Variants in ARHGAP44 observed in about 807,000 individuals in gnomAD.
The protein encoded by ARHGAP44 is Rho GTPase activating protein 44, also known as rho GTPase-activating protein 44.
ARHGAP44 carries 43 observed loss-of-function variants against 106.8 expected under a neutral mutation model. That is an observed-to-expected ratio of 0.40 (90% CI 0.32 to 0.52). The LOEUF (loss-of-function observed/expected upper bound fraction) is 0.52. ARHGAP44 is among the 20% of genes least tolerant of loss of function. The probability of loss-of-function intolerance (pLI) is 0.48; values close to 1 mark genes in which losing one functional copy is unlikely to be tolerated. For missense variants in ARHGAP44, 866 were observed against 1,050.5 expected, an observed-to-expected ratio of 0.82 and a Z score of 2.43; for synonymous variants, 439 against 410.3, an observed-to-expected ratio of 1.07 and a Z score of -0.85.
intron 1 of ARHGAP44, among the ~76,000 whole-genome samples, chr17:12,847,878 T>C (rs1297533397): frequency 6.6e-6 from 1 of 152,242 alleles, no homozygotes; most frequent in Non-Finnish European, 1.5e-5. Context: ...TCTGTGGCTT[T>C]GCAGCTGTGC....
intron 7 of ARHGAP44, among the ~76,000 whole-genome samples, chr17:12,931,217 G>T (rs935311766): frequency 6.6e-6 from 1 of 151,778 alleles, no homozygotes; most frequent in Admixed American, 6.6e-5. Context: ...GACTACAGGC[G>T]CATGCCACCA....
In ARHGAP44 at chr17:12,920,652, G is replaced by T. The variant is rs536894421; in HGVS notation, c.464+821G>T. Among the ~76,000 whole-genome samples, 5 of 152,242 alleles carry T rather than the reference G, an allele frequency of 3.3e-5. No homozygotes were observed. The South Asian group carries it at 1.0e-3, about 32-fold the overall frequency. ...AAGGGAAGAGAAGTAGGAGGTGAGA[G>T]CCAGGAGGTAGGATGGTTGCTATGT... On this transcript the variant is annotated intron_variant, in intron 6 of 20. Transcript: ENST00000379672.
chr17:12,889,268 C>T (rs1028948708), intron 1 of ARHGAP44, among the ~76,000 whole-genome samples: 7 of 152,002 alleles, frequency 4.6e-5, no homozygotes, highest in Admixed American at 3.3e-4. Flanking sequence ...CCATTTTGTG[C>T]TCTAACAGAA....
chr17:12,966,977 C>T (rs2039405834), intron 16 of ARHGAP44, among the ~76,000 whole-genome samples: 2 of 152,044 alleles, frequency 1.3e-5, no homozygotes. Context: ...CTATAGATAC[C>T]TATTCTTCTT....
intron 1 of ARHGAP44, among the ~76,000 whole-genome samples, chr17:12,814,239 T>G (rs970283280): frequency 7.0e-6 from 1 of 142,910 alleles, no homozygotes; most frequent in South Asian, 2.3e-4. Context: ...ACTGGTGTTT[T>G]TTTTTTTTTT....
chr17:12,829,705 T>C (rs1035718066), intron 1 of ARHGAP44, among the ~76,000 whole-genome samples: 5 of 152,304 alleles, frequency 3.3e-5, no homozygotes, highest in Non-Finnish European at 7.4e-5. Context: ...TTCTTTTGCA[T>C]CATACCTGCA....
At chr17:12,838,860 G>GTA (rs1425778051) in intron 1 of ARHGAP44, among the ~76,000 whole-genome samples, 7 of 151,696 alleles carry the variant, frequency 4.6e-5, no homozygotes, top group African/African-American at 1.7e-4. Context: ...GTATGTGTGT[G>GTA]TATATATATG....
intron 4 of ARHGAP44, among the ~76,000 whole-genome samples, chr17:12,910,446 CTTTT>C (rs3076662): frequency 1.1e-5 from 1 of 93,522 alleles, no homozygotes; most frequent in Non-Finnish European, 1.9e-5. Context: ...CTTATGTAGC[CTTTT>C]TTTTTTTTTT....
intron 1 of ARHGAP44, among the ~76,000 whole-genome samples, chr17:12,861,800 A>G (rs2036092898): frequency 1.3e-5 from 2 of 151,498 alleles, no homozygotes; most frequent in Middle Eastern, 6.8e-3. Flanking sequence ...ACGCCTGGCT[A>G]GTTTTTGTAT....
At chr17:12,878,921 A>G (rs2036635578) in intron 1 of ARHGAP44, among the ~76,000 whole-genome samples, 1 of 152,256 alleles carries the variant, frequency 6.6e-6, no homozygotes, top group Admixed American at 6.5e-5. Flanking sequence ...CCTTCAAAGA[A>G]GAGAGCTTAT....
At chr17:12,929,390 A>G in intron 7 of ARHGAP44, 1 of 184,678 alleles carries the variant, frequency 5.4e-6, no homozygotes. Context: ...TTGACCATAG[A>G]TGAGCCTTGA....
At chr17:12,884,636 A>G (rs1192840206) in intron 1 of ARHGAP44, among the ~76,000 whole-genome samples, 3 of 152,184 alleles carry the variant, frequency 2.0e-5, no homozygotes, top group Admixed American at 1.3e-4. Flanking sequence ...CAAACGAATT[A>G]CAGAACAATT....
At chr17:12,879,457 G>A (rs989463000) in intron 1 of ARHGAP44, among the ~76,000 whole-genome samples, 2 of 151,996 alleles carry the variant, frequency 1.3e-5, no homozygotes, top group Non-Finnish European at 2.9e-5. Flanking sequence ...TTCGTTTAAT[G>A]ACTTCTTTTC....
intron 1 of ARHGAP44, among the ~76,000 whole-genome samples, chr17:12,854,118 G>C (rs995319118): frequency 6.6e-6 from 1 of 152,174 alleles, no homozygotes. Context: ...TCCTGGTGGT[G>C]ATGAGTAGCC....
chr17:12,928,634 A>G (rs1001910039), intron 6 of ARHGAP44, among the ~76,000 whole-genome samples: 1 of 152,202 alleles, frequency 6.6e-6, no homozygotes, highest in African/African-American at 2.4e-5. Context: ...AGCAGTAGTG[A>G]TTGCCATTTG....
rs1230441088 is a variant in ARHGAP44, at chr17:12,943,652, A to T, written c.716A>T (p.Gln239Leu). The change falls in exon 9 of 21, where the codon CAG becomes CTG. Residue 239 changes from glutamine (Q) to leucine (L), a missense_variant. By Grantham distance (113) the Gln-to-Leu change is moderately radical. Around this residue, in one of 2 missense-constraint regions of ARHGAP44, gnomAD observed 448 missense variants for 646.9 expected, o/e 0.69. Coordinates refer to ENST00000379672, the MANE Select transcript of ARHGAP44 (RefSeq NM_014859.6). ...SLTLLQAVLP[Q>L]IKAQQEAWVE... The stretch of plus-strand genomic sequence containing the variant: ...ACACTATTGCAGGCTGTATTGCCTC[A>T]GATCAAAGCACAACAGGGTAAGTGC... 1 of 1,613,846 alleles carries T rather than the reference A, an allele frequency of 6.2e-7. No individual in the cohort carries two copies.
intron 5 of ARHGAP44, among the ~76,000 whole-genome samples, chr17:12,918,385 C>T (rs1423119575): frequency 6.6e-6 from 1 of 152,118 alleles, no homozygotes; most frequent in African/African-American, 2.4e-5. Flanking sequence ...AACCGCAGCC[C>T]GAGATGATTT....
rs1157323851 is a variant in ARHGAP44 at position 12,908,195 on chromosome 17, T to TC, written c.199-702_199-701insC. Among the ~76,000 whole-genome samples, 283 of 145,884 alleles carry TC rather than the reference T, an allele frequency of 1.9e-3. 1 individual carries two copies. Among genetic ancestry groups the TC allele is most frequent in the African/African-American group, 4.5e-3 (179 of 39,476 alleles). ...TTGACCATAGCTGCCTCATTTCTTT[T>TC]TTTTTTTTTTTTTTTTTGGAGATGG... On this transcript the variant is annotated intron_variant, in intron 3 of 20. Transcript: ENST00000379672.
At chr17:12,935,186 AATAAAATACTCAAAAAG>A (rs1341366764) in intron 7 of ARHGAP44, among the ~76,000 whole-genome samples, 1 of 152,196 alleles carries the variant, frequency 6.6e-6, no homozygotes, top group Non-Finnish European at 1.5e-5. Context: ...TGAAGATAAT[AATAAAATACTCAAAAAG>A]AGAACACTTT....
Sources: allele counts gnomAD v4.1 joint callset (sites outside exome capture counted in the v4.1 genomes callset), GRCh38; gene constraint gnomAD v4.1.1; regional missense constraint gnomAD v4.1.1; transcripts MANE v1.5; gene names NCBI Gene and HGNC (gene_info 2026-07-23, HGNC 2026-07-21).